Variants in GALNT7 observed in about 807,000 individuals in gnomAD.
GALNT7 encodes the protein polypeptide N-acetylgalactosaminyltransferase 7, also known as N-acetylgalactosaminyltransferase 7.
In GALNT7, 60 loss-of-function variants were observed where a neutral mutation model predicts 82.1. That is an observed-to-expected ratio of 0.73 (90% CI 0.59 to 0.91). The LOEUF (loss-of-function observed/expected upper bound fraction) is 0.91. GALNT7 is among the 40% of genes least tolerant of loss of function. The pLI, the probability that GALNT7 is intolerant of heterozygous loss-of-function variation, is 0.00. For synonymous variants in GALNT7, 243 were observed against 275.1 expected (o/e 0.88, Z 1.15); for missense variants, 660 against 804.2 (o/e 0.82, Z 2.17).
intron 1 of GALNT7, among the ~76,000 whole-genome samples, chr4:173,247,366 TA>T (rs1449112036): frequency 6.6e-6 from 1 of 150,536 alleles, no homozygotes; most frequent in Non-Finnish European, 1.5e-5. Context: ...GGGAGTGGTT[TA>T]AAAGCCCGAG....
chr4:173,192,894 T>G (rs1732666588), intron 1 of GALNT7, among the ~76,000 whole-genome samples: 1 of 152,200 alleles, frequency 6.6e-6, no homozygotes, highest in Admixed American at 6.5e-5. Context: ...AACTGTATTC[T>G]CTCTCCTGGG....
Position 173,264,256 on chromosome 4 carries a change from T to C in GALNT7, c.587+15816T>C, listed in dbSNP as rs557410873. Reference sequence around the variant, plus strand: ...AGATATATAATGGAATCAGAAGAATTCACCCAAAGCCAGAGTAACTAAGAT... The same window carrying C: ...AGATATATAATGGAATCAGAAGAATCCACCCAAAGCCAGAGTAACTAAGAT... On this transcript the variant is annotated intron_variant, in intron 2 of 11. Coordinates refer to ENST00000265000, the MANE Select transcript of GALNT7 (RefSeq NM_017423.3). 2.0e-5 allele frequency among the ~76,000 whole-genome samples: 3 copies of C among 152,274 alleles called. No homozygotes were observed. In the South Asian group the frequency reaches 6.2e-4, roughly 32 times the overall value.
At chr4:173,321,479 A>C in intron 11 of GALNT7, 101 bp from the exon 12 acceptor site, 1 of 793,900 alleles carries the variant, frequency 1.3e-6, no homozygotes, top group Non-Finnish European at 2.1e-6. Context: ...AAGCTTTTCC[A>C]TTTCCTTAAA....
intron 1 of GALNT7, among the ~76,000 whole-genome samples, chr4:173,213,957 A>G (rs1344442344): frequency 6.6e-6 from 1 of 152,132 alleles, no homozygotes; most frequent in Non-Finnish European, 1.5e-5. Flanking sequence ...GGGCTTTTAG[A>G]TAGACTTAAA....
Position 173,266,432 on chromosome 4 carries a change from T to C in GALNT7, c.587+17992T>C, listed in dbSNP as rs73872513. On this transcript the variant is annotated intron_variant, in intron 2 of 11. Transcript: ENST00000265000. ...CTGAGAAGAATGAATCCAGGTCTTC[T>C]AGGACCGACCTTTCACTATACCAGA... Among the ~76,000 whole-genome samples, 1,320 of 152,314 alleles carry C rather than the reference T, an allele frequency of 8.7e-3. 19 individuals are homozygous for C. The highest frequency in any genetic ancestry group is 0.03 in the African/African-American group (1,257 of 41,558).
At chr4:173,294,102 T>A (rs377256950) in intron 3 of GALNT7, among the ~76,000 whole-genome samples, 1 of 152,194 alleles carries the variant, frequency 6.6e-6, no homozygotes, top group East Asian at 1.9e-4. Context: ...CCCCCTTTGG[T>A]CCATGGTAAC....
At chr4:173,265,587 ATCTCTCTCTCTCTCTCTCTC>A (rs59676800) in intron 2 of GALNT7, among the ~76,000 whole-genome samples, 1 of 117,966 alleles carries the variant, frequency 8.5e-6, no homozygotes, top group Non-Finnish European at 1.7e-5. Flanking sequence ...TGGCGTAAGC[ATCTCTCTCTCTCTCTCTCTC>A]TCTCTCTCTC....
chr4:173,276,693 C>G (rs967268397), intron 2 of GALNT7, among the ~76,000 whole-genome samples: 16 of 152,230 alleles, frequency 1.1e-4, no homozygotes, highest in African/African-American at 3.4e-4. Context: ...GAGGAGGAAG[C>G]AGGGAGCTTC....
chr4:173,261,678 G>A (rs548069015), intron 2 of GALNT7, among the ~76,000 whole-genome samples: 8 of 152,146 alleles, frequency 5.3e-5, no homozygotes, highest in African/African-American at 1.9e-4. Flanking sequence ...AATTAGCCAG[G>A]TGTGGTGGCA....
At chr4:173,215,192 A>T (rs1328533037) in intron 1 of GALNT7, among the ~76,000 whole-genome samples, 1 of 151,674 alleles carries the variant, frequency 6.6e-6, no homozygotes. Flanking sequence ...GAGGTTCTGA[A>T]TACCCACTGG....
chr4:173,219,323 A>C (rs1409691808), intron 1 of GALNT7, among the ~76,000 whole-genome samples: 4 of 151,888 alleles, frequency 2.6e-5, no homozygotes, highest in African/African-American at 9.7e-5. Context: ...ATGTCTGAGT[A>C]GTGTTCCATG....
chr4:173,308,854 G>C (rs1737263011), intron 8 of GALNT7, among the ~76,000 whole-genome samples: 1 of 152,190 alleles, frequency 6.6e-6, no homozygotes, highest in Admixed American at 6.5e-5. Flanking sequence ...AGTGAGCCGA[G>C]ATCTCGCTGC....
intron 1 of GALNT7, among the ~76,000 whole-genome samples, chr4:173,191,124 A>C (rs890803104): frequency 1.3e-5 from 2 of 152,268 alleles, no homozygotes; most frequent in South Asian, 4.1e-4. Context: ...AAGAACTAGC[A>C]CCAATAGGGC....
In GALNT7 at chr4:173,323,314, T is replaced by A. The variant is rs1046159341; in HGVS notation, c.*1597T>A. ...TTTCTTCCAAGCTTAGCTCTTAAAT[T>A]TGGAGACTCAAAGTTAAACATCCTC... On this transcript the variant is annotated 3_prime_UTR_variant, in exon 12 of 12. Coordinates refer to ENST00000265000, the MANE Select transcript of GALNT7 (RefSeq NM_017423.3). 1 of 152,602 alleles carries A rather than the reference T, an allele frequency of 6.6e-6. No individual in the cohort carries two copies. The allele number at this position is 152,602 out of a possible 1,614,324, so 9.5% of individuals were successfully genotyped here.
chr4:173,181,696 G>T (rs182184002), intron 1 of GALNT7, among the ~76,000 whole-genome samples: 1 of 152,286 alleles, frequency 6.6e-6, no homozygotes, highest in African/African-American at 2.4e-5. Flanking sequence ...TAATAAAGCT[G>T]AAAATACCAT....
intron 6 of GALNT7, among the ~76,000 whole-genome samples, chr4:173,299,741 G>T (rs1283771695): frequency 3.3e-5 from 5 of 152,110 alleles, no homozygotes; most frequent in African/African-American, 1.2e-4. Context: ...AGCTACTTGG[G>T]AGGCTGAGGC....
At chr4:173,210,049 G>T (rs1438615861) in intron 1 of GALNT7, among the ~76,000 whole-genome samples, 1 of 151,960 alleles carries the variant, frequency 6.6e-6, no homozygotes, top group Admixed American at 6.6e-5. Context: ...AGGAGAAATC[G>T]CTTGAACCCG....
At chr4:173,312,152 G>T (rs1481277166) in intron 8 of GALNT7, among the ~76,000 whole-genome samples, 1 of 152,178 alleles carries the variant, frequency 6.6e-6, no homozygotes, top group African/African-American at 2.4e-5. Flanking sequence ...CCTTTATAGA[G>T]AATATTTGCT....
chr4:173,289,899 T>C (rs1446015105), intron 2 of GALNT7, among the ~76,000 whole-genome samples: 1 of 152,216 alleles, frequency 6.6e-6, no homozygotes, highest in Admixed American at 6.5e-5. Context: ...AACTGATTTT[T>C]CCTTTCCTTC....
Sources: allele counts gnomAD v4.1 joint callset (sites outside exome capture counted in the v4.1 genomes callset), GRCh38; gene constraint gnomAD v4.1.1; transcripts MANE v1.5; gene names NCBI Gene and HGNC (gene_info 2026-07-23, HGNC 2026-07-21).